The following KCNQ5 variants were observed in gnomAD, a reference collection of about 807,000 sequenced individuals.
KCNQ5 encodes potassium voltage-gated channel subfamily Q member 5, also known as potassium voltage-gated channel subfamily KQT member 5.
KCNQ5 carries 30 observed loss-of-function variants against 98.2 expected under a neutral mutation model. The ratio of observed to expected loss-of-function variants is 0.31; its 90% CI spans 0.23 to 0.41. The LOEUF (loss-of-function observed/expected upper bound fraction) is 0.41. KCNQ5 is among the 10% of genes least tolerant of loss of function. The pLI is 1.00. For missense variants in KCNQ5, 835 were observed against 1,182.5 expected, an observed-to-expected ratio of 0.71 and a Z score of 4.31; for synonymous variants, 458 against 449.4, an observed-to-expected ratio of 1.02 and a Z score of -0.24.
intron 9 of KCNQ5, among the ~76,000 whole-genome samples, chr6:73,125,832 CT>C (rs374086180): frequency 6.6e-6 from 1 of 151,924 alleles, no homozygotes; most frequent in Non-Finnish European, 1.5e-5. Flanking sequence ...TATTTGGTAG[CT>C]CTAACTACCA....
At chr6:72,922,806 T>TTTTCTC (rs1780462135) in intron 1 of KCNQ5, among the ~76,000 whole-genome samples, 1 of 119,866 alleles carries the variant, frequency 8.3e-6, no homozygotes, top group Non-Finnish European at 1.8e-5. Context: ...TTCTTTTTCT[T>TTTTCTC]TTTCTTTTTT....
chr6:73,060,920 G>A (rs1186979824), intron 3 of KCNQ5, among the ~76,000 whole-genome samples: 1 of 152,086 alleles, frequency 6.6e-6, no homozygotes, highest in South Asian at 2.1e-4. Flanking sequence ...AGTGCAAAGG[G>A]GTATCACCCT....
At chr6:73,157,682 A>G (rs1289957700) in intron 10 of KCNQ5, 2 of 775,838 alleles carry the variant, frequency 2.6e-6, no homozygotes, top group Non-Finnish European at 2.4e-6. Flanking sequence ...ATAAGGGCCC[A>G]GGCCTCTGGG....
intron 6 of KCNQ5, among the ~76,000 whole-genome samples, chr6:73,110,545 G>A (rs1375813136): frequency 6.6e-6 from 1 of 152,076 alleles, no homozygotes; most frequent in Admixed American, 6.5e-5. Flanking sequence ...AACTGAATAG[G>A]TGAGCCAAAA....
At chr6:72,706,381 G>A (rs1035379204) in intron 1 of KCNQ5, among the ~76,000 whole-genome samples, 25 of 151,890 alleles carry the variant, frequency 1.6e-4, no homozygotes, top group African/African-American at 6.0e-4. Context: ...TTTAAAAGAT[G>A]CCTTGCTTTG....
At chr6:72,997,362 AG>A (rs1426384284) in intron 1 of KCNQ5, among the ~76,000 whole-genome samples, 3 of 152,092 alleles carry the variant, frequency 2.0e-5, no homozygotes, top group Non-Finnish European at 4.4e-5. Context: ...AGTCCTTTAA[AG>A]AAATACTCTA....
chr6:73,165,005 G>T (rs932651216), intron 10 of KCNQ5, among the ~76,000 whole-genome samples: 7 of 151,778 alleles, frequency 4.6e-5, no homozygotes, highest in Non-Finnish European at 1.0e-4. Flanking sequence ...AAGAGAGTGG[G>T]TCTCACTCTG....
intron 3 of KCNQ5, among the ~76,000 whole-genome samples, chr6:73,068,672 G>A (rs1773173382): frequency 6.6e-6 from 1 of 152,160 alleles, no homozygotes; most frequent in Non-Finnish European, 1.5e-5. Flanking sequence ...TGAGGCACAT[G>A]AGCACCACAG....
At chr6:72,856,240 T>C (rs1419030078) in intron 1 of KCNQ5, among the ~76,000 whole-genome samples, 1 of 152,160 alleles carries the variant, frequency 6.6e-6, no homozygotes, top group East Asian at 1.9e-4. Flanking sequence ...CTTTGCTCAA[T>C]TTTTTCATTG....
rs559150172 is a variant in KCNQ5, at chr6:72,926,487, A to G, written c.399-77421A>G. 2.6e-5 allele frequency among the ~76,000 whole-genome samples: 4 copies of G among 152,218 alleles called. No homozygotes were observed. The East Asian group carries it at 7.7e-4, about 29-fold the overall frequency. On this transcript the variant is annotated intron_variant, in intron 1 of 13. Transcript: ENST00000370398. ...TTCTGATCATACAGTTGGTGATGTAAACAGTGGTACCTAATGACTCCCTAA... is the reference window on the plus strand; with the variant it reads ...TTCTGATCATACAGTTGGTGATGTAGACAGTGGTACCTAATGACTCCCTAA...
intron 1 of KCNQ5, among the ~76,000 whole-genome samples, chr6:72,625,541 C>T (rs1304139105): frequency 6.6e-6 from 1 of 152,186 alleles, no homozygotes; most frequent in Non-Finnish European, 1.5e-5. Flanking sequence ...TAGGGGGACA[C>T]AGGATGAGGC....
intron 1 of KCNQ5, among the ~76,000 whole-genome samples, chr6:72,967,311 C>G (rs1463420861): frequency 6.6e-6 from 1 of 152,026 alleles, no homozygotes; most frequent in Admixed American, 6.6e-5. Context: ...CCTTCCTATG[C>G]AATAACTTTT....
intron 11 of KCNQ5, among the ~76,000 whole-genome samples, chr6:73,186,758 A>C (rs1287078928): frequency 1.3e-5 from 2 of 152,180 alleles, no homozygotes; most frequent in Non-Finnish European, 2.9e-5. Context: ...TATGTAATTT[A>C]ATTTTTAGTA....
At chr6:72,663,891 T>C (rs1766652498) in intron 1 of KCNQ5, among the ~76,000 whole-genome samples, 1 of 152,212 alleles carries the variant, frequency 6.6e-6, no homozygotes, top group Non-Finnish European at 1.5e-5. Flanking sequence ...TCAAGTATAT[T>C]ATCTGTACTC....
chr6:73,042,040 T>C lies in KCNQ5; in HGVS notation c.594T>C (p.Ala198=), dbSNP rs751403670. The change falls in exon 3 of 14, where the codon GCT becomes GCC. Residue 198 remains alanine, a synonymous_variant. Transcript: ENST00000370398. ...YRGWQGRLRF[A]RKPFCVIDTI... ...GATGGCAAGGAAGACTGAGGTTTGC[T>C]CGAAAGCCCTTCTGTGTTATAGGTG... 12 of 1,613,822 alleles carry C rather than the reference T, an allele frequency of 7.4e-6. No homozygotes were observed. The Admixed American group carries it at 2.0e-4, about 27-fold the overall frequency.
At chr6:72,996,011 AT>A (rs1332538087) in intron 1 of KCNQ5, among the ~76,000 whole-genome samples, 1 of 152,224 alleles carries the variant, frequency 6.6e-6, no homozygotes, top group African/African-American at 2.4e-5. Context: ...TACATAATAT[AT>A]GCGGTACAAG....
At chr6:73,075,510 T>G (rs1334201878) in intron 3 of KCNQ5, among the ~76,000 whole-genome samples, 1 of 152,124 alleles carries the variant, frequency 6.6e-6, no homozygotes, top group Non-Finnish European at 1.5e-5. Context: ...TGTGAGCCAC[T>G]GCGCCCAGCC....
At chr6:72,852,074 G>A (rs1186451909) in intron 1 of KCNQ5, among the ~76,000 whole-genome samples, 2 of 151,972 alleles carry the variant, frequency 1.3e-5, no homozygotes, top group Non-Finnish European at 2.9e-5. Flanking sequence ...AAACAGCAAG[G>A]TTCTCTGTGG....
At chr6:72,814,876 G>A (rs929444344) in intron 1 of KCNQ5, among the ~76,000 whole-genome samples, 6 of 152,176 alleles carry the variant, frequency 3.9e-5, no homozygotes, top group Non-Finnish European at 8.8e-5. Context: ...GAGACAATTT[G>A]TCAGAAGATA....
Sources: gnomAD v4.1 joint callset for allele counts (sites outside exome capture counted in the v4.1 genomes callset) on GRCh38, gnomAD v4.1.1 for gene constraint, MANE v1.5 for transcripts, NCBI Gene and HGNC (gene_info 2026-07-23, HGNC 2026-07-21) for gene names.